Variants in COL18A1 observed in about 807,000 individuals in gnomAD.
COL18A1 encodes the protein collagen alpha-1(XVIII) chain.
In COL18A1, 133 loss-of-function variants were observed where a neutral mutation model predicts 168.0. The ratio of observed to expected loss-of-function variants is 0.79; its 90% CI spans 0.69 to 0.91. The LOEUF (loss-of-function observed/expected upper bound fraction) is 0.91, where lower values mean the gene tolerates loss of function less well. Among genes scored for constraint, COL18A1 ranks in the 40% least tolerant of loss-of-function variants. The pLI, the probability that COL18A1 is intolerant of heterozygous loss-of-function variation, is 0.00. For missense variants in COL18A1, 2,126 were observed against 1,925.4 expected (o/e 1.10, Z -1.95); for synonymous variants, 949 against 809.0 (o/e 1.17, Z -2.94).
chr21:45,426,651 G>A lies in COL18A1; in HGVS notation c.106+21178G>A, dbSNP rs142940282. ...GGTGCCAGGCCTGGCCGGGACAGCAGCGACACTGCATGCTCAGCCCTTGCG... is the reference window on the plus strand; with the variant it reads ...GGTGCCAGGCCTGGCCGGGACAGCAACGACACTGCATGCTCAGCCCTTGCG... On this transcript the variant is annotated intron_variant, in intron 2 of 41. Coordinates refer to ENST00000651438, the MANE Select transcript of COL18A1 (RefSeq NM_001379500.1). Among the ~76,000 whole-genome samples the A allele has an allele frequency of 4.5e-3, 686 of 152,356 alleles. 2 individuals carry two copies. Among genetic ancestry groups the A allele is most frequent in the Non-Finnish European group, 6.7e-3 (459 of 68,036 alleles).
chr21:45,436,337 C>G (rs1295890477), intron 2 of COL18A1, among the ~76,000 whole-genome samples: 1 of 152,220 alleles, frequency 6.6e-6, no homozygotes, highest in Non-Finnish European at 1.5e-5. Flanking sequence ...CGGGGCCCAT[C>G]CAGCGTGTGC....
chr21:45,455,233 C>T (rs1222421371), intron 2 of COL18A1, among the ~76,000 whole-genome samples: 1 of 152,244 alleles, frequency 6.6e-6, no homozygotes, highest in African/African-American at 2.4e-5. Context: ...CCTAGCGGAG[C>T]ACGTTGGGAA....
At chr21:45,460,682 T>C (rs1254561493) in intron 2 of COL18A1, among the ~76,000 whole-genome samples, 1 of 152,254 alleles carries the variant, frequency 6.6e-6, no homozygotes, top group African/African-American at 2.4e-5. Flanking sequence ...TTGTTTGATG[T>C]TTCCATGTAA....
chr21:45,407,055 CAG>C (rs2123490219), intron 2 of COL18A1, among the ~76,000 whole-genome samples: 1 of 150,308 alleles, frequency 6.7e-6, no homozygotes, highest in South Asian at 2.1e-4. Context: ...GAAGCAGGCC[CAG>C]AGAGGGGTCT....
chr21:45,475,969 G>A (rs938311080), intron 5 of COL18A1, among the ~76,000 whole-genome samples: 28 of 152,244 alleles, frequency 1.8e-4, no homozygotes, highest in Non-Finnish European at 3.8e-4. Flanking sequence ...AAACACAGGA[G>A]GGGCGGGGAG....
At chr21:45,452,858 G>T (rs1178365277) in intron 2 of COL18A1, among the ~76,000 whole-genome samples, 1 of 151,978 alleles carries the variant, frequency 6.6e-6, no homozygotes, top group East Asian at 1.9e-4. Context: ...TGTATGTGTG[G>T]GGCTTGTGTA....
At chr21:45,501,953 GC>G (rs11318457) in intron 32 of COL18A1, among the ~76,000 whole-genome samples, 939 of 59,108 alleles carry the variant, frequency 0.016, 46 homozygotes, top group African/African-American at 0.018. Flanking sequence ...ACCCTCAGGG[GC>G]CTCCGCAGCC....
intron 2 of COL18A1, among the ~76,000 whole-genome samples, chr21:45,451,739 G>A (rs2034627511): frequency 6.6e-6 from 1 of 152,194 alleles, no homozygotes; most frequent in South Asian, 2.1e-4. Context: ...CAAGGCAATA[G>A]GGTGGGGGCA....
intron 29 of COL18A1, chr21:45,496,098 C>T (rs935651743): frequency 3.2e-5 from 12 of 371,032 alleles, no homozygotes; most frequent in African/African-American, 5.3e-5. Context: ...CTATGCCCTC[C>T]ATGCCCTCCA....
intron 9 of COL18A1, 55 bp from the exon 10 acceptor site, chr21:45,479,847 G>A: frequency 4.3e-6 from 7 of 1,610,276 alleles, no homozygotes; most frequent in Non-Finnish European, 5.9e-6. Flanking sequence ...GAGAGTGCTG[G>A]GTGCGGCCCA....
intron 2 of COL18A1, among the ~76,000 whole-genome samples, chr21:45,412,700 C>G (rs1441472537): frequency 1.3e-5 from 2 of 152,240 alleles, no homozygotes; most frequent in African/African-American, 4.8e-5. Flanking sequence ...TGGTGCAGGT[C>G]TGCTGAGGGG....
rs1316860995 is a variant in COL18A1 at position 45,492,520 on chromosome 21, T to G, written c.2158-15T>G. ...CGGCTCTTTGTTTCCGATTTTTCCT[T>G]TTGCTCGTGGACAGGGATCCGTCCT... On this transcript the variant is annotated splice_polypyrimidine_tract_variant and intron_variant, in intron 22 of 41. Coordinates refer to ENST00000651438, the MANE Select transcript of COL18A1 (RefSeq NM_001379500.1). 22 of 1,613,398 alleles carry G rather than the reference T, an allele frequency of 1.4e-5. No individual in the cohort carries two copies. Among genetic ancestry groups the G allele is most frequent in the Non-Finnish European group, 1.9e-5 (22 of 1,180,016 alleles).
intron 2 of COL18A1, among the ~76,000 whole-genome samples, chr21:45,416,681 T>C (rs1482313285): frequency 6.6e-6 from 1 of 152,086 alleles, no homozygotes; most frequent in African/African-American, 2.4e-5. Context: ...TGCTAAATAT[T>C]AGTCAGATTG....
intron 2 of COL18A1, among the ~76,000 whole-genome samples, chr21:45,451,558 C>T (rs2838932): frequency 0.18 from 27,632 of 152,200 alleles, 2,559 homozygotes; most frequent in Admixed American, 0.21. Context: ...GGATGATGCA[C>T]TTGTCTGCGT....
At chr21:45,416,677 A>G (rs1473600880) in intron 2 of COL18A1, among the ~76,000 whole-genome samples, 1 of 152,094 alleles carries the variant, frequency 6.6e-6, no homozygotes, top group Admixed American at 6.5e-5. Context: ...CAGGTGCTAA[A>G]TATTAGTCAG....
At position 45,507,543 on chromosome 21, in the gene COL18A1, CCTG is replaced by C; in HGVS notation, c.3217-12_3217-10del. On this transcript the variant is annotated splice_polypyrimidine_tract_variant and intron_variant, in intron 37 of 41. Coordinates refer to ENST00000651438, the MANE Select transcript of COL18A1 (RefSeq NM_001379500.1). ...GGCCCAGCCGCAGGTCCTGGGTGAC[CCTG>C]CTGCTTTCTTCCAGCTGGAGGCCCG... 6.2e-7 allele frequency: 1 copy of C among 1,612,206 alleles called. No individual in the cohort carries two copies. The highest frequency in any genetic ancestry group is 8.5e-7 in the Non-Finnish European group (1 of 1,179,664).
At chr21:45,496,054 C>T in intron 29 of COL18A1, 1 of 352,932 alleles carries the variant, frequency 2.8e-6, no homozygotes, top group South Asian at 2.2e-5. Flanking sequence ...CTCAGCAGGG[C>T]ATCCATGGGC....
intron 2 of COL18A1, among the ~76,000 whole-genome samples, chr21:45,461,710 T>A (rs2035055753): frequency 6.6e-6 from 1 of 152,220 alleles, no homozygotes; most frequent in Non-Finnish European, 1.5e-5. Flanking sequence ...CTTTTTTAGA[T>A]CCCACATGTG....
chr21:45,510,264 GGGTCAGTCCAGTCCTGAGGGC>G lies in COL18A1; in HGVS notation c.3693+5_3693+25del, dbSNP rs2146127875. ...CCGTGCCCATCGTCAACCTCAAGGT[GGGTCAGTCCAGTCCTGAGGGC>G]GCGGGCTCCTCGGCCCCCACTTGAC... On this transcript the variant is annotated splice_donor_5th_base_variant and intron_variant, in intron 40 of 41. Coordinates refer to ENST00000651438, the MANE Select transcript of COL18A1 (RefSeq NM_001379500.1). 1 of 1,601,938 alleles carries G rather than the reference GGGTCAGTCCAGTCCTGAGGGC, an allele frequency of 6.2e-7. No homozygotes were observed. The highest frequency in any genetic ancestry group is 8.5e-7 in the Non-Finnish European group (1 of 1,175,096).
Sources: gnomAD v4.1 joint callset for allele counts (sites outside exome capture counted in the v4.1 genomes callset) on GRCh38, gnomAD v4.1.1 for gene constraint, MANE v1.5 for transcripts, NCBI Gene and HGNC (gene_info 2026-07-23, HGNC 2026-07-21) for gene names.